MYH14: variants seen among roughly 807,000 people sequenced by gnomAD.
MYH14 encodes the protein myosin heavy chain 14.
Under a neutral mutation model 255.5 loss-of-function variants are expected in MYH14, and 123 were observed. The observed-to-expected ratio is 0.48, with a 90% CI of 0.42 to 0.56. The LOEUF is 0.56. Among genes scored for constraint, MYH14 ranks in the 20% least tolerant of loss-of-function variants. The pLI, the probability that MYH14 is intolerant of heterozygous loss-of-function variation, is 0.00. For missense variants in MYH14, 2,423 were observed against 2,802.3 expected, an observed-to-expected ratio of 0.86 and a Z score of 3.06; for synonymous variants, 1,095 against 1,161.2, an observed-to-expected ratio of 0.94 and a Z score of 1.16.
intron 6 of MYH14, 96 bp from the exon 7 acceptor site, chr19:50,225,489 G>T: frequency 1.1e-6 from 1 of 897,532 alleles, no homozygotes. Flanking sequence ...CTCACACACA[G>T]ATACTCAGTC....
chr19:50,221,156 T>C lies in MYH14; in HGVS notation c.563-1927T>C, dbSNP rs2032798596. On this transcript the variant is annotated intron_variant, in intron 3 of 42. Coordinates refer to ENST00000642316, the MANE Select transcript of MYH14 (RefSeq NM_001145809.2). The surrounding 1 kb of genome is among the most constrained non-coding windows in gnomAD (Gnocchi z 5.3). ...TGTATGTCACACTGTGTGTTATATT[T>C]CCTCCTGTGCCGTGCACTGTGCTGA... is the stretch of plus-strand genomic sequence containing the variant. Among the ~76,000 whole-genome samples the C allele has an allele frequency of 6.6e-6, 1 of 152,090 alleles. No homozygotes were observed. The highest frequency in any genetic ancestry group is 6.6e-5 in the Admixed American group (1 of 15,254).
At chr19:50,243,303 G>T (rs2033962322) in intron 10 of MYH14, among the ~76,000 whole-genome samples, 1 of 152,130 alleles carries the variant, frequency 6.6e-6, no homozygotes, top group South Asian at 2.1e-4. Flanking sequence ...GGGTGTGGTG[G>T]TGTGCACCAG....
At chr19:50,224,069 C>G in intron 5 of MYH14, 85 bp from the exon 6 acceptor site, 1 of 1,212,864 alleles carries the variant, frequency 8.2e-7, no homozygotes, top group Non-Finnish European at 1.2e-6. Context: ...ATGCCACCAC[C>G]TGAGATCACT....
At chr19:50,260,953 C>T (rs1042905785) in intron 20 of MYH14, among the ~76,000 whole-genome samples, 7 of 150,530 alleles carry the variant, frequency 4.7e-5, no homozygotes, top group Non-Finnish European at 1.0e-4. Flanking sequence ...TGGGATCTCC[C>T]CTTCATTGAC....
At chr19:50,231,731 A>G (rs1413042066) in intron 9 of MYH14, among the ~76,000 whole-genome samples, 199 bp from the exon 10 acceptor site, 3 of 70,420 alleles carry the variant, frequency 4.3e-5, no homozygotes, top group African/African-American at 2.0e-4. Context: ...TAAAAAAAAA[A>G]AATAGAGACA....
Position 50,250,524 on chromosome 19 carries a change from C to A in MYH14, c.1666C>A (p.Pro556Thr). The A allele has an allele frequency of 1.2e-6, 2 of 1,613,104 alleles. No individual in the cohort carries two copies. Among genetic ancestry groups the A allele is most frequent in the East Asian group, 2.2e-5 (1 of 44,830 alleles). ...TGCTGTCAATGGCCAGGCCAACCCC[C>A]CTGGACTCCTGGCCCTGCTGGATGA... ...IDLIERPANP[P>T]GLLALLDEEC... Residue 556 changes from proline to threonine, a missense_variant, in exon 15 of 43, where the codon CCT becomes ACT. Pro to Thr is a conservative substitution (Grantham distance 38). Transcript: ENST00000642316. The surrounding 1 kb of genome is among the most constrained non-coding windows in gnomAD (Gnocchi z 5.4).
Position 50,272,850 on chromosome 19 carries a change from G to T in MYH14, c.3467+119G>T, listed in dbSNP as rs547903499. 38 of 1,000,164 alleles carry T rather than the reference G, an allele frequency of 3.8e-5. No homozygotes were observed. In the African/African-American group the frequency reaches 5.6e-4, roughly 15 times the overall value. 62.0% of individuals were successfully genotyped at this position (1,000,164 alleles called of 1,614,324 possible). Reference sequence around the variant, plus strand: ...CCAGTGGAGCCACTCACCAGCCACAGACAGGCCACATCCCCTCCGAGCCTC... The same window carrying T: ...CCAGTGGAGCCACTCACCAGCCACATACAGGCCACATCCCCTCCGAGCCTC... On this transcript the variant is annotated intron_variant, in intron 27 of 42. Coordinates refer to ENST00000642316, the MANE Select transcript of MYH14 (RefSeq NM_001145809.2).
chr19:50,241,409 T>C (rs749863860), intron 10 of MYH14, among the ~76,000 whole-genome samples: 7 of 151,686 alleles, frequency 4.6e-5, no homozygotes, highest in Admixed American at 3.3e-4. Flanking sequence ...CACTCCAGCC[T>C]GATGACACAG....
At position 50,276,690 on chromosome 19, in the gene MYH14, G is replaced by T; in HGVS notation, c.3681-67G>T. ...GAAACATGAAAAGGAGAAACAACCA[G>T]CTCCCCCAAAGCCCCTGCCTTCCTC... On this transcript the variant is annotated intron_variant, in intron 28 of 42. Coordinates refer to ENST00000642316, the MANE Select transcript of MYH14 (RefSeq NM_001145809.2). This position sits in a 1 kb window ranked among gnomAD's most constrained non-coding sequence, Gnocchi z 4.3. 1 of 1,602,498 alleles carries T rather than the reference G, an allele frequency of 6.2e-7. No individual in the cohort carries two copies. Among genetic ancestry groups the T allele is most frequent in the Non-Finnish European group, 8.5e-7 (1 of 1,171,882 alleles).
rs532432002 is a variant in MYH14, at chr19:50,246,773, T to C, written c.1211-231T>C. On this transcript the variant is annotated intron_variant, in intron 11 of 42. Coordinates refer to ENST00000642316, the MANE Select transcript of MYH14 (RefSeq NM_001145809.2). ...TAAACAACACTGCGCTGAACATCCT[T>C]GTGGCACGGTCTTTGCTCACATGCA... Among the ~76,000 whole-genome samples the C allele has an allele frequency of 2.6e-5, 4 of 152,342 alleles. No individual in the cohort carries two copies. In the East Asian group the frequency reaches 5.8e-4, roughly 22 times the overall value.
At chr19:50,271,008 A>G (rs2035279465) in intron 24 of MYH14, among the ~76,000 whole-genome samples, 1 of 151,980 alleles carries the variant, frequency 6.6e-6, no homozygotes, top group Non-Finnish European at 1.5e-5. Context: ...TACTATGTTT[A>G]TAGTTTATAA....
At chr19:50,295,248 C>T (rs1000930870) in intron 39 of MYH14, among the ~76,000 whole-genome samples, 1 of 151,884 alleles carries the variant, frequency 6.6e-6, no homozygotes, top group African/African-American at 2.4e-5. Context: ...TGGCATGAAC[C>T]CGGGAGGCAG....
chr19:50,257,560 A>G (rs2034639852), intron 18 of MYH14, 74 bp downstream of exon 18: 2 of 1,430,550 alleles, frequency 1.4e-6, no homozygotes, highest in Non-Finnish European at 1.9e-6. Context: ...ACTTGGCTGG[A>G]GCCACATCTG....
At position 50,301,885 on chromosome 19, in the gene MYH14, G is replaced by C. The variant is rs530190853; in HGVS notation, c.5678+16G>C. ...AAGAGACCAGGTAGGTGAGAGCGGA[G>C]GCCACAGGAGAAAGGTGACCTCCAC... On this transcript the variant is annotated intron_variant, in intron 40 of 42. Coordinates refer to ENST00000642316, the MANE Select transcript of MYH14 (RefSeq NM_001145809.2). 5.0e-5 allele frequency: 79 copies of C among 1,591,068 alleles called. No individual in the cohort carries two copies. The South Asian group carries it at 8.7e-4, about 17-fold the overall frequency.
rs2036747989 is a variant in MYH14, at chr19:50,308,990, C to G, written c.5788-15C>G. ...GTACCTGGAGATATAACCCAGTCCC[C>G]CTGCTTCCATCAAGCTGGAGAAGGG... On this transcript the variant is annotated splice_polypyrimidine_tract_variant and intron_variant, in intron 41 of 42. Transcript: ENST00000642316. 1 of 1,601,462 alleles carries G rather than the reference C, an allele frequency of 6.2e-7. No homozygotes were observed. Among genetic ancestry groups the G allele is most frequent in the Non-Finnish European group, 8.5e-7 (1 of 1,173,942 alleles).
chr19:50,204,330 T>A (rs1321753279), intron 1 of MYH14, among the ~76,000 whole-genome samples: 1 of 151,654 alleles, frequency 6.6e-6, no homozygotes, highest in Non-Finnish European at 1.5e-5. Context: ...CCCACAGGAG[T>A]CCCCTAAGGA....
chr19:50,256,829 TC>T lies in MYH14; in HGVS notation c.2045-469del, dbSNP rs1318808955. On this transcript the variant is annotated intron_variant, in intron 17 of 42. Transcript: ENST00000642316. ...AAATGCAACTGCAGTGGTTATGTTA[TC>T]ACTGTTTTCTCTCTCTATGCCTCAG... 2.4e-5 allele frequency among the ~76,000 whole-genome samples: 3 copies of T among 127,582 alleles called. No individual in the cohort carries two copies. In the East Asian group the frequency reaches 6.8e-4, roughly 29 times the overall value. 83.7% of individuals were successfully genotyped at this position (127,582 alleles called of 152,430 possible).
intron 40 of MYH14, among the ~76,000 whole-genome samples, chr19:50,304,697 G>A (rs2036600281): frequency 6.6e-6 from 1 of 152,180 alleles, no homozygotes; most frequent in Non-Finnish European, 1.5e-5. Flanking sequence ...CTAATACCAT[G>A]TCTGGTGGGA....
intron 3 of MYH14, 45 bp downstream of exon 3, chr19:50,217,816 C>G: frequency 1.9e-6 from 3 of 1,599,650 alleles, no homozygotes; most frequent in African/African-American, 1.3e-5. Context: ...GGCTCTTCAA[C>G]GGGGGCCTGA....
Sources: allele counts gnomAD v4.1 joint callset (sites outside exome capture counted in the v4.1 genomes callset), GRCh38; gene constraint gnomAD v4.1.1; non-coding constraint Gnocchi (gnomAD v3.1); transcripts MANE v1.5; gene names NCBI Gene and HGNC (gene_info 2026-07-23, HGNC 2026-07-21).